The following POU2F1 variants were observed in gnomAD, a reference collection of about 807,000 sequenced individuals.
POU2F1 encodes POU class 2 homeobox 1, also known as POU domain, class 2, transcription factor 1.
A neutral mutation model predicts 84.9 loss-of-function variants in POU2F1; 16 were observed. That is an observed-to-expected ratio of 0.19 (90% CI 0.13 to 0.29). POU2F1 has a LOEUF of 0.29. Ranked by LOEUF, POU2F1 falls within the 10% of genes least tolerant of loss-of-function variation. POU2F1 has a pLI of 1.00. For missense variants in POU2F1, 738 were observed against 942.6 expected, an observed-to-expected ratio of 0.78 and a Z score of 2.84; for synonymous variants, 368 against 368.3, an observed-to-expected ratio of 1.00 and a Z score of 0.01.
At chr1:167,221,440 G>T (rs868028713) in intron 1 of POU2F1, among the ~76,000 whole-genome samples, 15 of 149,652 alleles carry the variant, frequency 1.0e-4, no homozygotes, top group Admixed American at 5.3e-4. Flanking sequence ...GGCGCGGGGT[G>T]GGGGGCGTGA....
chr1:167,385,839 ATATT>A (rs1647935051), intron 8 of POU2F1, among the ~76,000 whole-genome samples: 1 of 152,214 alleles, frequency 6.6e-6, no homozygotes, highest in African/African-American at 2.4e-5. Context: ...TGGGGAGAAA[ATATT>A]TATGAAACAT....
At chr1:167,285,452 C>T (rs1653458108) in intron 1 of POU2F1, among the ~76,000 whole-genome samples, 1 of 152,102 alleles carries the variant, frequency 6.6e-6, no homozygotes, top group Non-Finnish European at 1.5e-5. Context: ...ATTAGCCAGG[C>T]GCAGCAGCAG....
chr1:167,403,901 T>C (rs1007076769), intron 13 of POU2F1, among the ~76,000 whole-genome samples: 1 of 152,208 alleles, frequency 6.6e-6, no homozygotes. Context: ...TTATTTTGCC[T>C]TCACAGTATT....
At chr1:167,361,595 G>A (rs1447508808) in intron 2 of POU2F1, among the ~76,000 whole-genome samples, 2 of 151,998 alleles carry the variant, frequency 1.3e-5, no homozygotes, top group African/African-American at 2.4e-5. Context: ...GAGGATTTTC[G>A]CATCTATGTT....
Position 167,239,363 on chromosome 1 carries a change from C to T in POU2F1, c.61+18405C>T, listed in dbSNP as rs1311330818. On this transcript the variant is annotated intron_variant, in intron 1 of 15. Coordinates refer to ENST00000367866, the MANE Select transcript of POU2F1 (RefSeq NM_002697.4). ...CCATGCTATCAAGACATAGTTAACT[C>T]CTAGTTATAATAAATACAGTGCTTA... Among the ~76,000 whole-genome samples, 4 of 152,142 alleles carry T rather than the reference C, an allele frequency of 2.6e-5. No homozygotes were observed. The South Asian group carries it at 6.2e-4, about 24-fold the overall frequency.
chr1:167,388,834 A>C, intron 8 of POU2F1, among the ~76,000 whole-genome samples: 1 of 152,324 alleles, frequency 6.6e-6, no homozygotes, highest in Non-Finnish European at 1.5e-5. Flanking sequence ...GTGTTAGCAT[A>C]GGCTTAGAGA....
rs1404515170 is a variant in POU2F1, at chr1:167,423,108, A to G, written c.*7298A>G. On this transcript the variant is annotated 3_prime_UTR_variant, in exon 16 of 16. Transcript: ENST00000367866. ...AACACAGCCTATATGAGTTCAGACAATATTTAGATGTGGTATCTCCATCTG... is the reference window on the plus strand; with the variant it reads ...AACACAGCCTATATGAGTTCAGACAGTATTTAGATGTGGTATCTCCATCTG... The G allele has an allele frequency of 6.6e-6, 1 of 152,200 alleles. No individual in the cohort carries two copies. The highest frequency in any genetic ancestry group is 1.5e-5 in the Non-Finnish European group (1 of 68,036). The allele number at this position is 152,200 out of a possible 1,614,324, so 9.4% of individuals were successfully genotyped here.
intron 1 of POU2F1, among the ~76,000 whole-genome samples, chr1:167,299,526 GTTC>G (rs1654512375): frequency 6.6e-6 from 1 of 152,170 alleles, no homozygotes; most frequent in African/African-American, 2.4e-5. Flanking sequence ...TGGATTGAAT[GTTC>G]TACGTGCAAG....
At chr1:167,280,786 A>C (rs1244072446) in intron 1 of POU2F1, among the ~76,000 whole-genome samples, 1 of 152,186 alleles carries the variant, frequency 6.6e-6, no homozygotes, top group Non-Finnish European at 1.5e-5. Context: ...CCTTTCTGTG[A>C]AATTATAATT....
At chr1:167,332,210 CT>C (rs1408850852) in intron 1 of POU2F1, among the ~76,000 whole-genome samples, 1 of 152,064 alleles carries the variant, frequency 6.6e-6, no homozygotes, top group East Asian at 1.9e-4. Flanking sequence ...GTTCTGCTGT[CT>C]TTCTTTAAAG....
intron 1 of POU2F1, among the ~76,000 whole-genome samples, chr1:167,299,695 G>GTTTTT (rs571000920): frequency 7.2e-6 from 1 of 139,346 alleles, no homozygotes; most frequent in African/African-American, 2.8e-5. Flanking sequence ...GGAGACCAGA[G>GTTTTT]TTTTTTTTTT....
intron 1 of POU2F1, among the ~76,000 whole-genome samples, chr1:167,328,199 T>G (rs1236236273): frequency 2.6e-5 from 4 of 152,208 alleles, no homozygotes; most frequent in Non-Finnish European, 5.9e-5. Flanking sequence ...TACTTGAGAT[T>G]TATTTTCATG....
chr1:167,379,425 T>C (rs1647348138), intron 7 of POU2F1: 1 of 152,236 alleles, frequency 6.6e-6, no homozygotes, highest in African/African-American at 2.4e-5. Context: ...TGGCCAGTTA[T>C]ATTTGATTAA....
intron 9 of POU2F1, among the ~76,000 whole-genome samples, chr1:167,395,960 G>A (rs1424539800): frequency 6.6e-6 from 1 of 152,090 alleles, no homozygotes; most frequent in Admixed American, 6.5e-5. Context: ...ATCAATTAAG[G>A]GGCTTGTTAG....
chr1:167,412,744 TGTTTCTTTC>T (rs1650051234), intron 14 of POU2F1, among the ~76,000 whole-genome samples: 1 of 152,230 alleles, frequency 6.6e-6, no homozygotes, highest in Non-Finnish European at 1.5e-5. Context: ...TTCTCTAGAA[TGTTTCTTTC>T]ATTTTGGAAA....
chr1:167,383,928 C>T lies in POU2F1; in HGVS notation c.790C>T (p.Pro264Ser). ...QSQANLLQSQ[P>S]SITLTSQPAT... The stretch of plus-strand genomic sequence containing the variant: ...CCAAGCCAACCTCCTACAGTCGCAG[C>T]CAAGCATCACCCTCACCTCCCAGGT... Residue 264 changes from proline to serine, a missense_variant, in exon 8 of 16, where the codon CCA (proline) becomes TCA (serine). Physicochemically the swap from Pro to Ser is moderately conservative, Grantham distance 74 (BLOSUM62 -1). Transcript: ENST00000367866. 6.2e-7 allele frequency: 1 copy of T among 1,613,626 alleles called. No homozygotes were observed. Among genetic ancestry groups the T allele is most frequent in the Non-Finnish European group, 8.5e-7 (1 of 1,179,714 alleles).
At chr1:167,264,952 T>A (rs1651838694) in intron 1 of POU2F1, among the ~76,000 whole-genome samples, 1 of 152,166 alleles carries the variant, frequency 6.6e-6, no homozygotes, top group South Asian at 2.1e-4. Flanking sequence ...TTCTCACAGA[T>A]ACCCATGTAG....
intron 1 of POU2F1, among the ~76,000 whole-genome samples, chr1:167,288,788 A>T (rs576371410): frequency 6.6e-6 from 1 of 152,318 alleles, no homozygotes; most frequent in African/African-American, 2.4e-5. Flanking sequence ...CCTTACCAAG[A>T]TCCTAATTTT....
intron 1 of POU2F1, among the ~76,000 whole-genome samples, chr1:167,221,447 G>A (rs1473612049): frequency 2.0e-5 from 3 of 149,326 alleles, no homozygotes; most frequent in Non-Finnish European, 4.5e-5. Flanking sequence ...GGTGGGGGGC[G>A]TGAAGGGGGA....
Sources: gnomAD v4.1 joint callset for allele counts (sites outside exome capture counted in the v4.1 genomes callset) on GRCh38, gnomAD v4.1.1 for gene constraint, MANE v1.5 for transcripts, NCBI Gene and HGNC (gene_info 2026-07-23, HGNC 2026-07-21) for gene names.